Variants in FBXO30 observed in about 807,000 individuals in gnomAD.
The protein encoded by FBXO30 is F-box protein 30, also known as F-box only protein 30.
In FBXO30, 21 loss-of-function variants were observed where a neutral mutation model predicts 58.1. The ratio of observed to expected loss-of-function variants is 0.36; its 90% CI spans 0.26 to 0.52. FBXO30 has a LOEUF of 0.52. FBXO30 is among the 20% of genes least tolerant of loss of function. The pLI is 0.93. For synonymous variants in FBXO30, 309 were observed against 312.4 expected, an observed-to-expected ratio of 0.99 and a Z score of 0.11; for missense variants, 744 against 897.3, an observed-to-expected ratio of 0.83 and a Z score of 2.18.
Position 145,799,305 on chromosome 6 carries a change from G to GTA in FBXO30, c.*799_*800dup, listed in dbSNP as rs1323636638. On this transcript the variant is annotated 3_prime_UTR_variant, in exon 3 of 3. Coordinates refer to ENST00000237281, the MANE Select transcript of FBXO30 (RefSeq NM_032145.5). Reference sequence around the variant, plus strand: ...TACGCCCAATTCAAACCTAAATGAGGTATATTTTCTTTTAAAACATTAGAT... The same window carrying GTA: ...TACGCCCAATTCAAACCTAAATGAGGTATATATTTTCTTTTAAAACATTAGAT... 6.6e-6 allele frequency: 1 copy of GTA among 152,170 alleles called. No homozygotes were observed. Among genetic ancestry groups the GTA allele is most frequent in the Non-Finnish European group, 1.5e-5 (1 of 67,914 alleles). 9.4% of individuals were successfully genotyped at this position (152,170 alleles called of 1,614,324 possible).
chr6:145,803,817 C>A (rs528944766), intron 2 of FBXO30, among the ~76,000 whole-genome samples: 1 of 152,268 alleles, frequency 6.6e-6, no homozygotes, highest in African/African-American at 2.4e-5. Flanking sequence ...CGGCCTAAAG[C>A]ATCTCCTCAT....
intron 1 of FBXO30, among the ~76,000 whole-genome samples, chr6:145,810,135 AG>A (rs1380896980): frequency 6.6e-6 from 1 of 152,236 alleles, no homozygotes. Flanking sequence ...GATAATGCTC[AG>A]TATAAGTGTA....
chr6:145,813,320 TA>T (rs986728233), intron 1 of FBXO30, among the ~76,000 whole-genome samples: 3,813 of 132,448 alleles, frequency 0.029, 50 homozygotes, highest in Admixed American at 0.042. Context: ...TTTCCAGAAT[TA>T]AAAAAAAAAA....
rs775235402 is a variant in FBXO30, at chr6:145,794,111, A to C, written c.*5995T>G. ...CAATCCAAAAGAAAACCCCATACCC[A>C]TGAAGCAGTCACTCCCATTCCCCCA... On this transcript the variant is annotated 3_prime_UTR_variant, in exon 3 of 3. Coordinates refer to ENST00000237281, the MANE Select transcript of FBXO30 (RefSeq NM_032145.5). The C allele has an allele frequency of 6.6e-6, 1 of 151,976 alleles. No homozygotes were observed. Among genetic ancestry groups the C allele is most frequent in the Non-Finnish European group, 1.5e-5 (1 of 67,864 alleles). The allele number at this position is 151,976 out of a possible 1,614,324, so 9.4% of individuals were successfully genotyped here.
At chr6:145,813,162 T>C (rs1293693528) in intron 1 of FBXO30, among the ~76,000 whole-genome samples, 1 of 152,168 alleles carries the variant, frequency 6.6e-6, no homozygotes, top group Non-Finnish European at 1.5e-5. Context: ...TTTAATGATA[T>C]ATTAGGACAC....
At chr6:145,803,162 T>C (rs1238557453) in intron 2 of FBXO30, among the ~76,000 whole-genome samples, 3 of 151,976 alleles carry the variant, frequency 2.0e-5, no homozygotes, top group Admixed American at 6.6e-5. Flanking sequence ...GGAATGATTA[T>C]AGAATCCCCC....
Position 145,805,701 on chromosome 6 carries a change from G to C in FBXO30, c.705C>G (p.Asp235Glu), listed in dbSNP as rs752543124. ...RESLEDQNLK[D>E]QDHLYEEEIG... ...TTTCCTCCTCATAAAGATGATCTTGGTCTTTCAAGTTTTGATCCTCTAAGC... is the reference window on the plus strand; with the variant it reads ...TTTCCTCCTCATAAAGATGATCTTGCTCTTTCAAGTTTTGATCCTCTAAGC... Residue 235 changes from aspartate to glutamate, a missense_variant, in exon 2 of 3, where the codon GAC (aspartate) becomes GAG (glutamate). Physicochemically the swap from Asp to Glu is conservative, Grantham distance 45 (BLOSUM62 2). Coordinates refer to ENST00000237281, the MANE Select transcript of FBXO30 (RefSeq NM_032145.5). 6.2e-7 allele frequency: 1 copy of C among 1,613,876 alleles called. No homozygotes were observed. The highest frequency in any genetic ancestry group is 1.3e-5 in the African/African-American group (1 of 74,918).
Position 145,805,723 on chromosome 6 carries a change from A to G in FBXO30, c.683T>C (p.Leu228Ser). Residue 228 changes from leucine to serine, a missense_variant, in exon 2 of 3, where the codon TTA becomes TCA. Transcript: ENST00000237281. ...TTGGTCTTTCAAGTTTTGATCCTCT[A>G]AGCTTTCTCTCGCATTTTGCTGTTC... ...MDEQQNARES[L>S]EDQNLKDQDH... is the part of the protein sequence containing the mutation. The G allele has an allele frequency of 6.2e-7, 1 of 1,614,100 alleles. No individual in the cohort carries two copies. Among genetic ancestry groups the G allele is most frequent in the Non-Finnish European group, 8.5e-7 (1 of 1,179,980 alleles).
intron 2 of FBXO30, among the ~76,000 whole-genome samples, chr6:145,801,022 T>C (rs1223252763): frequency 6.6e-6 from 1 of 152,120 alleles, no homozygotes; most frequent in East Asian, 1.9e-4. Context: ...GCTACTTCCC[T>C]TTTTGTCCAC....
Position 145,805,391 on chromosome 6 carries a change from C to T in FBXO30, c.1015G>A (p.Glu339Lys), listed in dbSNP as rs1169441001. ...SSLAVAAQLR[E>K]IIPSSALPNG... ...GGCAAAGCACTGGATGGTATTATTTCCCTAAGTTGTGCTGCCACCGCAAGT... is the reference window on the plus strand; with the variant it reads ...GGCAAAGCACTGGATGGTATTATTTTCCTAAGTTGTGCTGCCACCGCAAGT... The change falls in exon 2 of 3, where the codon GAA (glutamate) becomes AAA (lysine). Residue 339 changes from glutamate (E) to lysine (K), a missense_variant. Around this residue, in one of 3 missense-constraint regions of FBXO30, gnomAD observed 275 missense variants for 262.0 expected, o/e 1.05. Transcript: ENST00000237281. 1 of 1,614,030 alleles carries T rather than the reference C, an allele frequency of 6.2e-7. No individual in the cohort carries two copies. The highest frequency in any genetic ancestry group is 1.7e-5 in the Admixed American group (1 of 59,954).
At chr6:145,811,813 T>C (rs1253222418) in intron 1 of FBXO30, 1 of 152,216 alleles carries the variant, frequency 6.6e-6, no homozygotes, top group Non-Finnish European at 1.5e-5. Flanking sequence ...AATTAACCAT[T>C]TCTACAAGTT....
Position 145,798,938 on chromosome 6 carries a change from AT to A in FBXO30, c.*1167del, listed in dbSNP as rs1777919944. On this transcript the variant is annotated 3_prime_UTR_variant, in exon 3 of 3. Transcript: ENST00000237281. ...TTTATTTCTAAATACTGATATATTC[AT>A]TTTTTAAGCAGACCACATCAGGTTA... 1 of 152,032 alleles carries A rather than the reference AT, an allele frequency of 6.6e-6. No individual in the cohort carries two copies. The highest frequency in any genetic ancestry group is 2.4e-5 in the African/African-American group (1 of 41,426). 9.4% of individuals were successfully genotyped at this position (152,032 alleles called of 1,614,324 possible). A position where few individuals can be genotyped will look rare whatever the true frequency, so the allele number is the denominator to read the frequency against.
At position 145,805,298 on chromosome 6, in the gene FBXO30, C is replaced by CT; in HGVS notation, c.1107dup (p.Val370SerfsTer25). 1 of 1,614,074 alleles carries CT rather than the reference C, an allele frequency of 6.2e-7. No individual in the cohort carries two copies. Among genetic ancestry groups the CT allele is most frequent in the Non-Finnish European group, 8.5e-7 (1 of 1,179,966 alleles). Reference sequence around the variant, plus strand: ...ACATTCTTCACGTCCCCTAAGTCTACTTTTTTCCAACACAATTCACCTTCA... The same window carrying CT: ...ACATTCTTCACGTCCCCTAAGTCTACTTTTTTTCCAACACAATTCACCTTCA... On this transcript the variant is annotated frameshift_variant, in exon 2 of 3. Transcript: ENST00000237281. LOFTEE classifies it high-confidence loss of function.
chr6:145,798,742 A>G lies in FBXO30; in HGVS notation c.*1364T>C, dbSNP rs563229477. ...AGGAACGCCTCTGCCTGATTGCCAT[A>G]TAAGGGAATCAAGAACCTAGTAATC... On this transcript the variant is annotated 3_prime_UTR_variant, in exon 3 of 3. Coordinates refer to ENST00000237281, the MANE Select transcript of FBXO30 (RefSeq NM_032145.5). 6.6e-6 allele frequency: 1 copy of G among 152,244 alleles called. No individual in the cohort carries two copies. The highest frequency in any genetic ancestry group is 1.9e-4 in the East Asian group (1 of 5,176). 9.4% of individuals were successfully genotyped at this position (152,244 alleles called of 1,614,324 possible). A position where few individuals can be genotyped will look rare whatever the true frequency, so the allele number is the denominator to read the frequency against.
intron 1 of FBXO30, among the ~76,000 whole-genome samples, chr6:145,808,303 C>T (rs1778239605): frequency 2.0e-5 from 3 of 151,862 alleles, no homozygotes; most frequent in African/African-American, 7.3e-5. Context: ...TTTTACTACC[C>T]CTATTAAAAC....
At chr6:145,802,698 T>C (rs985880295) in intron 2 of FBXO30, among the ~76,000 whole-genome samples, 6 of 152,054 alleles carry the variant, frequency 3.9e-5, no homozygotes, top group African/African-American at 1.4e-4. Flanking sequence ...CATTAGCTCT[T>C]GTGTAGAGAA....
intron 1 of FBXO30, among the ~76,000 whole-genome samples, chr6:145,813,625 GA>G (rs1272872111): frequency 6.6e-6 from 1 of 152,128 alleles, no homozygotes; most frequent in African/African-American, 2.4e-5. Context: ...GGTCTCTAAA[GA>G]ACAAACAGTA....
rs1777950435 is a variant in FBXO30 at position 145,800,117 on chromosome 6, G to T, written c.2227C>A (p.Pro743Thr). ...EGRSLRSVLK[P>T]VL ...TAATATTACAACTTTTAAAGTACAGGTTTTAAAACTGAGCGTAGTGAACGT... is the reference window on the plus strand; with the variant it reads ...TAATATTACAACTTTTAAAGTACAGTTTTTAAAACTGAGCGTAGTGAACGT... Residue 743 changes from proline to threonine, a missense_variant, in exon 3 of 3, where the codon CCT (proline) becomes ACT (threonine). By Grantham distance (38) the Pro-to-Thr change is conservative. Coordinates refer to ENST00000237281, the MANE Select transcript of FBXO30 (RefSeq NM_032145.5). The T allele has an allele frequency of 6.2e-7, 1 of 1,611,684 alleles. No individual in the cohort carries two copies. Among genetic ancestry groups the T allele is most frequent in the Non-Finnish European group, 8.5e-7 (1 of 1,178,348 alleles).
At chr6:145,813,659 T>A (rs1778397783) in intron 1 of FBXO30, among the ~76,000 whole-genome samples, 1 of 139,194 alleles carries the variant, frequency 7.2e-6, no homozygotes, top group Non-Finnish European at 1.5e-5. Flanking sequence ...AAATGGAAAT[T>A]AAAATTTAAA....
Sources: allele counts gnomAD v4.1 joint callset (sites outside exome capture counted in the v4.1 genomes callset), GRCh38; gene constraint gnomAD v4.1.1; regional missense constraint gnomAD v4.1.1; transcripts MANE v1.5; gene names NCBI Gene and HGNC (gene_info 2026-07-23, HGNC 2026-07-21).